Variants in BTNL9 observed in about 807,000 individuals in gnomAD.
BTNL9 encodes butyrophilin like 9, also known as butyrophilin-like protein 9.
A neutral mutation model predicts 45.8 loss-of-function variants in BTNL9; 45 were observed. The ratio of observed to expected loss-of-function variants is 0.98; its 90% CI spans 0.77 to 1.26. The LOEUF (loss-of-function observed/expected upper bound fraction) is 1.26, where lower values mean the gene tolerates loss of function less well. Ranked by LOEUF, BTNL9 falls within the 50% of genes most tolerant of loss-of-function variation. The probability of loss-of-function intolerance (pLI) is 0.00; values close to 1 mark genes in which losing one functional copy is unlikely to be tolerated. For missense variants in BTNL9, 784 were observed against 729.7 expected (o/e 1.07, Z -0.86); for synonymous variants, 346 against 330.8 (o/e 1.05, Z -0.50).
chr5:181,053,731 A>G lies in BTNL9; in HGVS notation c.886+230A>G. ...CCACGGAGGCTAGTGCACAGATGTC[A>G]GGGTTGACCGGCTGCTGTCGTTACG... On this transcript the variant is annotated intron_variant, in intron 6 of 10. Coordinates refer to ENST00000327705, the MANE Select transcript of BTNL9 (RefSeq NM_152547.5). The surrounding 1 kb of genome is among the most constrained non-coding windows in gnomAD (Gnocchi z 6.5). The G allele has an allele frequency of 2.6e-6, 4 of 1,513,656 alleles. No individual in the cohort carries two copies. In the South Asian group the frequency reaches 5.1e-5, roughly 19 times the overall value. 93.8% of individuals were successfully genotyped at this position (1,513,656 alleles called of 1,614,324 possible). A position where few individuals can be genotyped will look rare whatever the true frequency, so the allele number is the denominator to read the frequency against.
Position 181,048,748 on chromosome 5 carries a change from T to TATAG in BTNL9, c.454+480_454+481insGATA, listed in dbSNP as rs1561978768. On this transcript the variant is annotated intron_variant, in intron 3 of 10. Transcript: ENST00000327705. ...ATATCTATATATATATCTATCTATA[T>TATAG]ATATAGATATAGATATATATAGTAT... Among the ~76,000 whole-genome samples the TATAG allele has an allele frequency of 4.4e-4, 57 of 130,450 alleles. 1 individual carries two copies. The highest frequency in any genetic ancestry group is 1.8e-3 in the South Asian group (8 of 4,390). 85.6% of individuals were successfully genotyped at this position (130,450 alleles called of 152,430 possible). A position where few individuals can be genotyped will look rare whatever the true frequency, so the allele number is the denominator to read the frequency against.
At chr5:181,056,598 C>G (rs138148872) in intron 9 of BTNL9, 1 of 717,078 alleles carries the variant, frequency 1.4e-6, no homozygotes, top group East Asian at 2.7e-5. Context: ...TCTAACTCCA[C>G]AACAACACTG....
chr5:181,047,802 T>C, intron 2 of BTNL9, 125 bp from the exon 3 acceptor site: 1 of 899,192 alleles, frequency 1.1e-6, no homozygotes. Context: ...CCAGTTGTCC[T>C]GTAGAGTATC....
At chr5:181,056,441 C>A in intron 9 of BTNL9, 1 of 670,204 alleles carries the variant, frequency 1.5e-6, no homozygotes. Flanking sequence ...ATTTATGGTT[C>A]TGTGATGTTC....
In BTNL9 at chr5:181,042,545, G is replaced by A. The variant is rs1030451689; in HGVS notation, c.-24+2113G>A. Among the ~76,000 whole-genome samples the A allele has an allele frequency of 6.6e-6, 1 of 152,162 alleles. No homozygotes were observed. The highest frequency in any genetic ancestry group is 2.4e-5 in the African/African-American group (1 of 41,436). On this transcript the variant is annotated intron_variant, in intron 1 of 10. Coordinates refer to ENST00000327705, the MANE Select transcript of BTNL9 (RefSeq NM_152547.5). The surrounding 1 kb of genome is among the most constrained non-coding windows in gnomAD (Gnocchi z 4.5). ...GACGCACAGCAGCAAACGGGGAGGA[G>A]GGTGCTGTCCAGGAGCCGCTGACTT... is the stretch of plus-strand genomic sequence containing the variant.
rs547033816 is a variant in BTNL9 at position 181,043,165 on chromosome 5, G to GT, written c.-23-2298dup. Among the ~76,000 whole-genome samples the GT allele has an allele frequency of 2.7e-3, 408 of 152,026 alleles. 2 individuals carry two copies. Among genetic ancestry groups the GT allele is most frequent in the African/African-American group, 9.0e-3 (373 of 41,468 alleles). On this transcript the variant is annotated intron_variant, in intron 1 of 10. Coordinates refer to ENST00000327705, the MANE Select transcript of BTNL9 (RefSeq NM_152547.5). ...GATAGGAAGTACCCAATGCATGTTA[G>GT]TTTTATTACTGTCAGCACGTGTGTG... is the stretch of plus-strand genomic sequence containing the variant.
chr5:181,054,216 C>CTTTTTTTTTT, intron 6 of BTNL9, 23 bp from the exon 7 acceptor site: 1 of 1,552,774 alleles, frequency 6.4e-7, no homozygotes, highest in Non-Finnish European at 8.7e-7. Context: ...TTTTCTTCAT[C>CTTTTTTTTTT]TTTTTTTTTT....
At position 181,055,794 on chromosome 5, in the gene BTNL9, C is replaced by T; in HGVS notation, c.929-195C>T. On this transcript the variant is annotated intron_variant, in intron 8 of 10. Coordinates refer to ENST00000327705, the MANE Select transcript of BTNL9 (RefSeq NM_152547.5). The surrounding 1 kb of genome is among the most constrained non-coding windows in gnomAD (Gnocchi z 4.4). ...AAAAAAAAAAAGAACTATTTCTCCTCATTCATCATTTTGCATCTGATTCCC... is the reference window on the plus strand; with the variant it reads ...AAAAAAAAAAAGAACTATTTCTCCTTATTCATCATTTTGCATCTGATTCCC... The T allele has an allele frequency of 1.3e-6, 1 of 743,244 alleles. No homozygotes were observed. The allele number at this position is 743,244 out of a possible 1,614,324, so 46.0% of individuals were successfully genotyped here. A position where few individuals can be genotyped will look rare whatever the true frequency, so the allele number is the denominator to read the frequency against.
At position 181,048,210 on chromosome 5, in the gene BTNL9, T is replaced by A. The variant is rs759629533; in HGVS notation, c.393T>A (p.Tyr131Ter). ...TCATCCCCTCTGACAAGGGCACATATGGCTGCCGCTTCCACTCCGACAACT... is the reference window on the plus strand; with the variant it reads ...TCATCCCCTCTGACAAGGGCACATAAGGCTGCCGCTTCCACTCCGACAACT... ...HSIIPSDKGT[Y>*]GCRFHSDNFS... Residue 131 changes from tyrosine to a stop codon, truncating the protein, a stop_gained, in exon 3 of 11, where the codon TAT becomes TAA. Transcript: ENST00000327705. LOFTEE classifies it high-confidence loss of function. 1.4e-5 allele frequency: 23 copies of A among 1,612,502 alleles called. No individual in the cohort carries two copies. Among genetic ancestry groups the A allele is most frequent in the Admixed American group, 8.3e-5 (5 of 59,998 alleles).
At chr5:181,045,947 C>CTGTAGTGT in intron 2 of BTNL9, among the ~76,000 whole-genome samples, 2 of 63,576 alleles carry the variant, frequency 3.1e-5, no homozygotes, top group Non-Finnish European at 6.9e-5. Flanking sequence ...TCTCCCCAGC[C>CTGTAGTGT]TCCAACACCT....
intron 10 of BTNL9, 31 bp from the exon 11 acceptor site, chr5:181,059,206 G>C (rs781378774): frequency 2.0e-6 from 3 of 1,489,892 alleles, no homozygotes; most frequent in South Asian, 2.6e-5. Flanking sequence ...AGACCGTCCC[G>C]GGCGGGCACT....
In BTNL9 at chr5:181,051,947, G is replaced by C. The variant is rs982249898; in HGVS notation, c.737-1253G>C. ...TGGATACCTTTGGGAAGGCATTCTG[G>C]TGGCGGGAAGGGCAAAGCCAGGGGC... is the stretch of plus-strand genomic sequence containing the variant. On this transcript the variant is annotated intron_variant, in intron 4 of 10. Coordinates refer to ENST00000327705, the MANE Select transcript of BTNL9 (RefSeq NM_152547.5). Among the ~76,000 whole-genome samples, 7 of 152,258 alleles carry C rather than the reference G, an allele frequency of 4.6e-5. No homozygotes were observed. The East Asian group carries it at 1.4e-3, about 29-fold the overall frequency.
At chr5:181,054,444 CG>C (rs958787188) in intron 7 of BTNL9, 185 bp downstream of exon 7, 2 of 985,260 alleles carry the variant, frequency 2.0e-6, no homozygotes, top group African/African-American at 3.5e-5. Flanking sequence ...TGCAGCTGCC[CG>C]AGACCCTCTG....
intron 4 of BTNL9, chr5:181,052,880 G>A (rs1761625848): frequency 7.5e-6 from 1 of 132,746 alleles, no homozygotes; most frequent in Admixed American, 7.1e-5. Flanking sequence ...CAAGCCCCTG[G>A]GACCCTCCCG....
rs149109139 is a variant in BTNL9, at chr5:181,059,578, C to G, written c.1324C>G (p.Leu442Val). The G allele has an allele frequency of 5.5e-4, 888 of 1,612,688 alleles. 6 individuals carry two copies. In the African/African-American group the frequency reaches 9.9e-3, roughly 18 times the overall value. Residue 442 changes from leucine (L) to valine (V), a missense_variant, in exon 11 of 11, where the codon CTG (leucine) becomes GTG (valine). Coordinates refer to ENST00000327705, the MANE Select transcript of BTNL9 (RefSeq NM_152547.5). Reference protein sequence around the residue: ...VLAPHRVALTLRVPPRRLGVF... With the variant: ...VLAPHRVALTVRVPPRRLGVF... ...GGCCCCGCACCGCGTCGCGCTCACCCTGCGCGTGCCCCCGCGGCGCCTGGG... is the reference window on the plus strand; with the variant it reads ...GGCCCCGCACCGCGTCGCGCTCACCGTGCGCGTGCCCCCGCGGCGCCTGGG...
At position 181,054,216 on chromosome 5, in the gene BTNL9, C is replaced by CTT. The variant is rs368154215; in HGVS notation, c.887-8_887-7dup. On this transcript the variant is annotated intron_variant, in intron 6 of 10. Transcript: ENST00000327705. Reference sequence around the variant, plus strand: ...TGAGAGTCTTTCCCCTTTTCTTCATCTTTTTTTTTTTTTTTTCTCTAGAGA... The same window carrying CTT: ...TGAGAGTCTTTCCCCTTTTCTTCATCTTTTTTTTTTTTTTTTTTCTCTAGAGA... 4,169 of 1,545,916 alleles carry CTT rather than the reference C, an allele frequency of 2.7e-3. 3 individuals carry two copies. The highest frequency in any genetic ancestry group is 6.3e-3 in the Admixed American group (339 of 54,178).
At position 181,054,270 on chromosome 5, in the gene BTNL9, G is replaced by C; in HGVS notation, c.907+11G>C. 1 of 1,610,926 alleles carries C rather than the reference G, an allele frequency of 6.2e-7. No individual in the cohort carries two copies. The highest frequency in any genetic ancestry group is 8.5e-7 in the Non-Finnish European group (1 of 1,179,652). On this transcript the variant is annotated intron_variant, in intron 7 of 10. Transcript: ENST00000327705. ...TCACTGCAGAGCTGGGTAAGTTCTG[G>C]GTGCGGGGCCACAGTGCTGCCTGTC...
At chr5:181,057,008 C>CTG (rs55829278) in intron 9 of BTNL9, 8,112 of 161,544 alleles carry the variant, frequency 0.05, 242 homozygotes, top group Non-Finnish European at 0.053. Flanking sequence ...TATTATATAT[C>CTG]TGTGTGTGTG....
chr5:181,050,656 T>C lies in BTNL9; in HGVS notation c.736+287T>C, dbSNP rs540548820. Among the ~76,000 whole-genome samples, 5 of 152,244 alleles carry C rather than the reference T, an allele frequency of 3.3e-5. No individual in the cohort carries two copies. The South Asian group carries it at 1.0e-3, about 32-fold the overall frequency. On this transcript the variant is annotated intron_variant, in intron 4 of 10. Transcript: ENST00000327705. This position sits in a 1 kb window ranked among gnomAD's most constrained non-coding sequence, Gnocchi z 4.9. ...TCATCAGAGGCATCATGGGAGCCAA[T>C]AGATTCGTAATGCTGTCTCTCAAAC...
Sources: gnomAD v4.1 joint callset for allele counts (sites outside exome capture counted in the v4.1 genomes callset) on GRCh38, gnomAD v4.1.1 for gene constraint, Gnocchi (gnomAD v3.1) non-coding constraint, MANE v1.5 for transcripts, NCBI Gene and HGNC (gene_info 2026-07-23, HGNC 2026-07-21) for gene names.